SAMD12: variants seen among roughly 807,000 people sequenced by gnomAD.
SAMD12 encodes the protein sterile alpha motif domain containing 12, also known as sterile alpha motif domain-containing protein 12.
Under a neutral mutation model 15.0 loss-of-function variants are expected in SAMD12, and 9 were observed. The observed-to-expected ratio is 0.60, with a 90% CI of 0.36 to 1.05. The LOEUF is 1.05. SAMD12 is among the 50% of genes least tolerant of loss of function. The pLI, the probability that SAMD12 is intolerant of heterozygous loss-of-function variation, is 0.01. For synonymous variants in SAMD12, 86 were observed against 90.1 expected, an observed-to-expected ratio of 0.96 and a Z score of 0.25; for missense variants, 230 against 234.2, an observed-to-expected ratio of 0.98 and a Z score of 0.12.
chr8:118,494,846 A>G lies in SAMD12; in HGVS notation c.193-54885T>C, dbSNP rs918318151. 1.6e-4 allele frequency among the ~76,000 whole-genome samples: 24 copies of G among 152,206 alleles called. 1 individual carries two copies. The highest frequency in any genetic ancestry group is 1.6e-3 in the Admixed American group (24 of 15,278). On this transcript the variant is annotated intron_variant, in intron 2 of 3. Transcript: ENST00000314727. The stretch of plus-strand genomic sequence containing the variant: ...CTCAGCATAGTGTCCCACACAAAGC[A>G]TAGTATAATAAAAATCTGATGAATG...
At chr8:118,590,454 A>G (rs753950001) in intron 1 of SAMD12, among the ~76,000 whole-genome samples, 5 of 152,172 alleles carry the variant, frequency 3.3e-5, no homozygotes, top group Non-Finnish European at 5.9e-5. Flanking sequence ...TTTCACCTCT[A>G]CCAGTTTATG....
At chr8:118,292,369 C>CACACACACACACACACAA (rs1445415610) in intron 4 of SAMD12, among the ~76,000 whole-genome samples, 3 of 151,516 alleles carry the variant, frequency 2.0e-5, no homozygotes, top group Non-Finnish European at 4.4e-5. Flanking sequence ...CACACACACA[C>CACACACACACACACACAA]ACACACATAT....
intron 4 of SAMD12, among the ~76,000 whole-genome samples, chr8:118,217,598 T>C (rs1811993568): frequency 6.6e-6 from 1 of 152,176 alleles, no homozygotes; most frequent in East Asian, 1.9e-4. Flanking sequence ...AAGGGAGTGA[T>C]TGCTATTGCA....
chr8:118,548,376 AACACACATACACACACACACACAC>A (rs1479914317), intron 2 of SAMD12, among the ~76,000 whole-genome samples: 3 of 126,720 alleles, frequency 2.4e-5, no homozygotes, highest in South Asian at 5.3e-4. Context: ...TTACACTAAA[AACACACATACACACACACACACAC>A]ACACACACAC....
chr8:118,551,696 T>C (rs1826340193), intron 2 of SAMD12, among the ~76,000 whole-genome samples: 1 of 147,866 alleles, frequency 6.8e-6, no homozygotes, highest in South Asian at 2.1e-4. Context: ...CTGAAGGAAA[T>C]AGAGACACAA....
chr8:118,371,003 G>A (rs1189849819), intron 4 of SAMD12, among the ~76,000 whole-genome samples: 2 of 152,110 alleles, frequency 1.3e-5, no homozygotes, highest in African/African-American at 4.8e-5. Context: ...CTGCCTGAAA[G>A]ATGAGGTAAG....
At chr8:118,165,920 G>A in the SAMD12 span, among the ~76,000 whole-genome samples, 1 of 151,840 alleles carries the variant, frequency 6.6e-6, no homozygotes, top group East Asian at 1.9e-4. Flanking sequence ...CCTTGAAAAA[G>A]GTCCGCTTTT....
intron 2 of SAMD12, among the ~76,000 whole-genome samples, chr8:118,580,496 A>G (rs1285983499): frequency 6.6e-6 from 1 of 152,170 alleles, no homozygotes; most frequent in Non-Finnish European, 1.5e-5. Flanking sequence ...TCAGAGCCTC[A>G]CACTATGAGA....
intron 4 of SAMD12, among the ~76,000 whole-genome samples, chr8:118,352,291 G>A (rs2130601323): frequency 1.3e-5 from 2 of 152,272 alleles, no homozygotes; most frequent in South Asian, 4.1e-4. Context: ...AATCACTTCA[G>A]ATAATTCCAT....
At chr8:118,455,825 C>T (rs1823233267) in intron 2 of SAMD12, among the ~76,000 whole-genome samples, 1 of 146,832 alleles carries the variant, frequency 6.8e-6, no homozygotes, top group African/African-American at 2.6e-5. Context: ...TACATATATA[C>T]ATACATACAT....
chr8:118,340,039 C>A (rs2450203), intron 4 of SAMD12, among the ~76,000 whole-genome samples: 85,659 of 152,136 alleles, frequency 0.56, 24,319 homozygotes, highest in East Asian at 0.67. Flanking sequence ...ACACACATTC[C>A]TTTGTTCATT....
chr8:118,565,912 T>C (rs994000945), intron 2 of SAMD12, among the ~76,000 whole-genome samples: 4 of 152,188 alleles, frequency 2.6e-5, no homozygotes, highest in African/African-American at 4.8e-5. Context: ...ATTTGTCCAC[T>C]TCTCTCCATT....
intron 2 of SAMD12, among the ~76,000 whole-genome samples, chr8:118,550,164 G>A (rs1252893347): frequency 6.6e-6 from 1 of 152,088 alleles, no homozygotes; most frequent in African/African-American, 2.4e-5. Context: ...TTCAGATTCA[G>A]GAAACACAGA....
intron 2 of SAMD12, among the ~76,000 whole-genome samples, chr8:118,570,981 T>C (rs1826995781): frequency 2.0e-5 from 3 of 152,206 alleles, no homozygotes; most frequent in African/African-American, 4.8e-5. Flanking sequence ...CCGCCATTAT[T>C]GTGAGGCTTC....
chr8:118,509,354 A>G (rs1266604895), intron 2 of SAMD12, among the ~76,000 whole-genome samples: 1 of 152,232 alleles, frequency 6.6e-6, no homozygotes. Flanking sequence ...CTCACAGGCC[A>G]GACAAGGTAC....
chr8:118,580,426 A>T (rs762923354), intron 2 of SAMD12, among the ~76,000 whole-genome samples: 4 of 152,186 alleles, frequency 2.6e-5, no homozygotes, highest in Non-Finnish European at 5.9e-5. Flanking sequence ...TAGAGTGGTA[A>T]GTCTGAGCCT....
the SAMD12 span, among the ~76,000 whole-genome samples, chr8:118,132,164 T>C: frequency 5.3e-5 from 8 of 152,216 alleles, no homozygotes; most frequent in Non-Finnish European, 1.0e-4. Flanking sequence ...TACATTACCA[T>C]ATGGATATAT....
intron 2 of SAMD12, among the ~76,000 whole-genome samples, chr8:118,570,910 T>C (rs966039982): frequency 6.6e-6 from 1 of 152,180 alleles, no homozygotes; most frequent in Non-Finnish European, 1.5e-5. Context: ...GGAGTTCCCC[T>C]GCACAAGCTC....
At chr8:118,277,077 T>C (rs552179175) in intron 4 of SAMD12, among the ~76,000 whole-genome samples, 10 of 152,314 alleles carry the variant, frequency 6.6e-5, no homozygotes, top group African/African-American at 2.4e-4. Context: ...CCTGGAATCA[T>C]GACAAACAAG....
Sources: allele counts gnomAD v4.1 joint callset (sites outside exome capture counted in the v4.1 genomes callset), GRCh38; gene constraint gnomAD v4.1.1; transcripts MANE v1.5; gene names NCBI Gene and HGNC (gene_info 2026-07-23, HGNC 2026-07-21).